The following ARNT2 variants were observed in gnomAD, a reference collection of about 807,000 sequenced individuals.
ARNT2 encodes aryl hydrocarbon receptor nuclear translocator 2.
Under a neutral mutation model 91.7 loss-of-function variants are expected in ARNT2, and 36 were observed. That is an observed-to-expected ratio of 0.39 (90% CI 0.30 to 0.52). The LOEUF (loss-of-function observed/expected upper bound fraction) is 0.52. Among genes scored for constraint, ARNT2 ranks in the 20% least tolerant of loss-of-function variants. The pLI is 0.72. For synonymous variants in ARNT2, 365 were observed against 347.1 expected (o/e 1.05, Z -0.57); for missense variants, 775 against 939.3 (o/e 0.83, Z 2.29).
chr15:80,428,694 C>G (rs1464636294), intron 1 of ARNT2, among the ~76,000 whole-genome samples: 2 of 152,206 alleles, frequency 1.3e-5, no homozygotes, highest in Non-Finnish European at 2.9e-5. Flanking sequence ...CTGTCCTCTT[C>G]TGGAGGGGAG....
In ARNT2 at chr15:80,593,760, G is replaced by A; in HGVS notation, c.*62G>A. Reference sequence around the variant, plus strand: ...CCCATACTGTGATGTCGATGCCCATGTGAATGAGGCCCACCCTCGCCCTGC... The same window carrying A: ...CCCATACTGTGATGTCGATGCCCATATGAATGAGGCCCACCCTCGCCCTGC... On this transcript the variant is annotated 3_prime_UTR_variant, in exon 19 of 19. Coordinates refer to ENST00000303329, the MANE Select transcript of ARNT2 (RefSeq NM_014862.4). 1 of 1,464,742 alleles carries A rather than the reference G, an allele frequency of 6.8e-7. No homozygotes were observed. Among genetic ancestry groups the A allele is most frequent in the Non-Finnish European group, 9.3e-7 (1 of 1,069,742 alleles). The allele number at this position is 1,464,742 out of a possible 1,614,324, so 90.7% of individuals were successfully genotyped here.
At chr15:80,554,869 T>TA in intron 10 of ARNT2, 196 bp from the exon 11 acceptor site, 1 of 540,512 alleles carries the variant, frequency 1.9e-6, no homozygotes, top group Non-Finnish European at 3.3e-6. Context: ...CAGAAGAACT[T>TA]AGAGTGAATA....
At chr15:80,536,367 C>T (rs938631735) in intron 8 of ARNT2, among the ~76,000 whole-genome samples, 5 of 152,084 alleles carry the variant, frequency 3.3e-5, no homozygotes, top group Non-Finnish European at 1.5e-5. Context: ...ATCTGGCCAC[C>T]CCACCCTAAT....
rs1471103942 is a variant in ARNT2, at chr15:80,591,614, A to T, written c.1965A>T (p.Glu655Asp). 2 of 1,614,202 alleles carry T rather than the reference A, an allele frequency of 1.2e-6. No individual in the cohort carries two copies. Among genetic ancestry groups the T allele is most frequent in the South Asian group, 2.2e-5 (2 of 91,088 alleles). ...GGCAGTTCCAAGGGCGGCCCTCGGA[A>T]GTCTGGTCGCAGTGGCAAAGCCAGC... Reference protein sequence around the residue: ...SSGQFQGRPSEVWSQWQSQHH... With the variant: ...SSGQFQGRPSDVWSQWQSQHH... Residue 655 changes from glutamate to aspartate, a missense_variant, in exon 18 of 19, where the codon GAA becomes GAT. By Grantham distance (45) the Glu-to-Asp change is conservative. Around this residue, in one of 5 missense-constraint regions of ARNT2, gnomAD observed 325 missense variants for 359.9 expected, o/e 0.90. Transcript: ENST00000303329. The surrounding 1 kb of genome is among the most constrained non-coding windows in gnomAD (Gnocchi z 5.1).
chr15:80,571,343 TGAG>T lies in ARNT2; in HGVS notation c.1317-2801_1317-2799del, dbSNP rs367770343. Among the ~76,000 whole-genome samples, 320 of 152,322 alleles carry T rather than the reference TGAG, an allele frequency of 2.1e-3. 3 individuals are homozygous for T. The highest frequency in any genetic ancestry group is 7.4e-3 in the African/African-American group (309 of 41,574). ...TTGTGTGCATTTGCTTCTTAGGAGC[TGAG>T]GAGAGTTGGTAAATAGCAATGCATC... On this transcript the variant is annotated intron_variant, in intron 12 of 18. Transcript: ENST00000303329.
chr15:80,593,546 T>A, intron 18 of ARNT2, 54 bp from the exon 19 acceptor site: 1 of 1,426,728 alleles, frequency 7.0e-7, no homozygotes, highest in Admixed American at 2.0e-5. Flanking sequence ...ACATGCCCAG[T>A]GCACGGACAG....
chr15:80,470,734 T>C (rs1237219081), intron 4 of ARNT2, among the ~76,000 whole-genome samples: 3 of 152,244 alleles, frequency 2.0e-5, no homozygotes, highest in Non-Finnish European at 4.4e-5. Flanking sequence ...ATGCTGGAAT[T>C]GTGCTGATAT....
intron 5 of ARNT2, among the ~76,000 whole-genome samples, chr15:80,498,774 G>C (rs563477869): frequency 2.0e-5 from 3 of 152,202 alleles, no homozygotes; most frequent in Non-Finnish European, 4.4e-5. Context: ...CTGGGTTTCT[G>C]ATCCTGAAAC....
intron 1 of ARNT2, among the ~76,000 whole-genome samples, chr15:80,411,797 T>A (rs1005156864): frequency 6.6e-6 from 1 of 152,214 alleles, no homozygotes; most frequent in Non-Finnish European, 1.5e-5. Context: ...ACCTGATACC[T>A]TGGACACACA....
chr15:80,418,950 T>C (rs1895823957), intron 1 of ARNT2, among the ~76,000 whole-genome samples: 2 of 152,304 alleles, frequency 1.3e-5, no homozygotes, highest in South Asian at 4.1e-4. Context: ...GGGAATACAC[T>C]GGGTGGAAAG....
In ARNT2 at chr15:80,404,595, C is replaced by T; in HGVS notation, c.31+49C>T. 9.6e-7 allele frequency: 1 copy of T among 1,037,476 alleles called. No individual in the cohort carries two copies. The highest frequency in any genetic ancestry group is 1.2e-6 in the Non-Finnish European group (1 of 864,638). 64.3% of individuals were successfully genotyped at this position (1,037,476 alleles called of 1,614,324 possible). On this transcript the variant is annotated intron_variant, in intron 1 of 18. Transcript: ENST00000303329. The surrounding 1 kb of genome is among the most constrained non-coding windows in gnomAD (Gnocchi z 5.5). ...CGCCCGCCGCAGCCCGCAGGCCTTGCCCGGGGCCGGAGCGGACCAGGCGCG... is the reference window on the plus strand; with the variant it reads ...CGCCCGCCGCAGCCCGCAGGCCTTGTCCGGGGCCGGAGCGGACCAGGCGCG...
At position 80,580,292 on chromosome 15, in the gene ARNT2, G is replaced by A. The variant is rs4778827; in HGVS notation, c.1614-119G>A. ...TGTGTGAGTCATTTTCTCTAGTGAC[G>A]TGCTGCATGGAGAGAGAGCCAGGAA... On this transcript the variant is annotated intron_variant, in intron 15 of 18. Transcript: ENST00000303329. 12,296 of 1,280,248 alleles carry A rather than the reference G, an allele frequency of 9.6e-3. 892 individuals are homozygous for A. In the African/African-American group the frequency reaches 0.16, roughly 16 times the overall value. 79.3% of individuals were successfully genotyped at this position (1,280,248 alleles called of 1,614,324 possible). A position where few individuals can be genotyped will look rare whatever the true frequency, so the allele number is the denominator to read the frequency against.
chr15:80,510,828 AAAATAAAT>A (rs529823506), intron 6 of ARNT2, among the ~76,000 whole-genome samples: 1 of 152,130 alleles, frequency 6.6e-6, no homozygotes, highest in African/African-American at 2.4e-5. Flanking sequence ...CTCCATCTCA[AAAATAAAT>A]AAATAAATAA....
chr15:80,591,587 C>T lies in ARNT2; in HGVS notation c.1938C>T (p.Ser646=), dbSNP rs201571391. Residue 646 remains serine, a synonymous_variant, in exon 18 of 19, where the codon AGC becomes AGT. Coordinates refer to ENST00000303329, the MANE Select transcript of ARNT2 (RefSeq NM_014862.4). This position sits in a 1 kb window ranked among gnomAD's most constrained non-coding sequence, Gnocchi z 5.1. ...TPGFAESGQS[S]GQFQGRPSEV... is the part of the protein sequence containing the mutation. ...TTTCAGCTGAAAGTGGACAAAGTAG[C>T]GGGCAGTTCCAAGGGCGGCCCTCGG... The T allele has an allele frequency of 5.3e-5, 86 of 1,614,122 alleles. No individual in the cohort carries two copies. Among genetic ancestry groups the T allele is most frequent in the Middle Eastern group, 5.0e-4 (3 of 6,058 alleles).
Position 80,513,793 on chromosome 15 carries a change from G to A in ARNT2, c.726-118G>A, listed in dbSNP as rs550538392. 55 of 820,530 alleles carry A rather than the reference G, an allele frequency of 6.7e-5. No individual in the cohort carries two copies. The South Asian group carries it at 7.3e-4, about 11-fold the overall frequency. The allele number at this position is 820,530 out of a possible 1,614,324, so 50.8% of individuals were successfully genotyped here. On this transcript the variant is annotated intron_variant, in intron 6 of 18. Transcript: ENST00000303329. ...CACTTTTGAAGAAAATTGGCTATAGGCGTCACCTGAATAAATGTGTAAGCA... is the reference window on the plus strand; with the variant it reads ...CACTTTTGAAGAAAATTGGCTATAGACGTCACCTGAATAAATGTGTAAGCA...
At chr15:80,506,538 A>G (rs990772824) in intron 5 of ARNT2, among the ~76,000 whole-genome samples, 1 of 152,160 alleles carries the variant, frequency 6.6e-6, no homozygotes, top group Admixed American at 6.5e-5. Flanking sequence ...AGGGTGGGGG[A>G]TTCTCACCAA....
intron 1 of ARNT2, among the ~76,000 whole-genome samples, chr15:80,425,181 C>T (rs914786689): frequency 6.6e-6 from 1 of 152,218 alleles, no homozygotes; most frequent in African/African-American, 2.4e-5. Context: ...GAGACTCAAA[C>T]ATATCTCCGA....
chr15:80,521,296 A>G (rs1392191958), intron 8 of ARNT2, among the ~76,000 whole-genome samples: 2 of 152,098 alleles, frequency 1.3e-5, no homozygotes, highest in Admixed American at 1.3e-4. Flanking sequence ...AGCAAGTTAC[A>G]CTTTTTTTTT....
At chr15:80,532,241 T>C (rs1897751817) in intron 8 of ARNT2, among the ~76,000 whole-genome samples, 1 of 152,176 alleles carries the variant, frequency 6.6e-6, no homozygotes. Context: ...TCAGGATGTC[T>C]GAGTCAGGAC....
Sources: gnomAD v4.1 joint callset for allele counts (sites outside exome capture counted in the v4.1 genomes callset) on GRCh38, gnomAD v4.1.1 for gene constraint, gnomAD v4.1.1 regional missense constraint, Gnocchi (gnomAD v3.1) non-coding constraint, MANE v1.5 for transcripts, NCBI Gene and HGNC (gene_info 2026-07-23, HGNC 2026-07-21) for gene names.